Variants in CLTC observed in about 807,000 individuals in gnomAD.
CLTC encodes the protein clathrin heavy chain, also known as clathrin heavy chain 1.
A neutral mutation model predicts 195.8 loss-of-function variants in CLTC; 16 were observed. The observed-to-expected ratio is 0.08, with a 90% CI of 0.06 to 0.12. The LOEUF (loss-of-function observed/expected upper bound fraction) is 0.12, where lower values mean the gene tolerates loss of function less well. CLTC is among the 10% of genes least tolerant of loss of function. The pLI, the probability that CLTC is intolerant of heterozygous loss-of-function variation, is 1.00. For missense variants in CLTC, 796 were observed against 2,027.0 expected, an observed-to-expected ratio of 0.39 and a Z score of 11.66; for synonymous variants, 667 against 689.4, an observed-to-expected ratio of 0.97 and a Z score of 0.51.
intron 1 of CLTC, 126 bp from the exon 2 acceptor site, chr17:59,644,150 C>A: frequency 1.4e-6 from 1 of 701,184 alleles, no homozygotes; most frequent in Non-Finnish European, 2.4e-6. Context: ...CTTTAATTAA[C>A]ATAATGTAGA....
chr17:59,663,994 A>C lies in CLTC; in HGVS notation c.1521A>C (p.Lys507Asn). The C allele has an allele frequency of 6.2e-7, 1 of 1,611,656 alleles. No individual in the cohort carries two copies. Among genetic ancestry groups the C allele is most frequent in the Non-Finnish European group, 8.5e-7 (1 of 1,178,996 alleles). ...AAAAGATTGTTTTATATGCTAAAAAAGTGAGTTCAATGAAACACATTCTCA... is the reference window on the plus strand; with the variant it reads ...AAAAGATTGTTTTATATGCTAAAAACGTGAGTTCAATGAAACACATTCTCA... ...QVQKIVLYAK[K>N]VGYTPDWIFL... The change falls in exon 9 of 32, where the codon AAA becomes AAC. Residue 507 changes from lysine to asparagine, a missense_variant and splice_region_variant. Around this residue, in one of 9 missense-constraint regions of CLTC, gnomAD observed 293 missense variants for 795.6 expected, o/e 0.37. Coordinates refer to ENST00000269122, the MANE Select transcript of CLTC (RefSeq NM_004859.4).
chr17:59,685,359 A>G lies in CLTC; in HGVS notation c.4605+133A>G, dbSNP rs1374563849. 1.4e-5 allele frequency: 13 copies of G among 953,072 alleles called. No homozygotes were observed. The highest frequency in any genetic ancestry group is 2.8e-5 in the East Asian group (1 of 35,734). 59.0% of individuals were successfully genotyped at this position (953,072 alleles called of 1,614,324 possible). On this transcript the variant is annotated intron_variant, in intron 29 of 31. Coordinates refer to ENST00000269122, the MANE Select transcript of CLTC (RefSeq NM_004859.4). This position sits in a 1 kb window ranked among gnomAD's most constrained non-coding sequence, Gnocchi z 5.0. ...ACTTTAAGGCAATTTAAGTTAATGG[A>G]TTTCTTGATTCTAGGGGCTCTCTTA... is the stretch of plus-strand genomic sequence containing the variant.
chr17:59,693,934 A>T lies in CLTC; in HGVS notation c.*82A>T. The T allele has an allele frequency of 2.2e-6, 3 of 1,385,472 alleles. No individual in the cohort carries two copies. The highest frequency in any genetic ancestry group is 2.9e-6 in the Non-Finnish European group (3 of 1,044,742). 85.8% of individuals were successfully genotyped at this position (1,385,472 alleles called of 1,614,324 possible). On this transcript the variant is annotated 3_prime_UTR_variant, in exon 32 of 32. Coordinates refer to ENST00000269122, the MANE Select transcript of CLTC (RefSeq NM_004859.4). Reference sequence around the variant, plus strand: ...ACTTCTCAGTTTATAATGGGGGAAAACAGGCAACGTGTTCTTGTAACCTTT... The same window carrying T: ...ACTTCTCAGTTTATAATGGGGGAAATCAGGCAACGTGTTCTTGTAACCTTT...
At position 59,661,473 on chromosome 17, in the gene CLTC, C is replaced by G; in HGVS notation, c.1198C>G (p.Arg400Gly). Reference sequence around the variant, plus strand: ...TCTTCGTACTCCAGACACTATCCGTCGGTTCCAGAGTGTCCCAGCCCAGCC... The same window carrying G: ...TCTTCGTACTCCAGACACTATCCGTGGGTTCCAGAGTGTCCCAGCCCAGCC... ...GILRTPDTIR[R>G]FQSVPAQPGQ... Residue 400 changes from arginine (R) to glycine (G), a missense_variant, in exon 8 of 32, where the codon CGG becomes GGG. Arg to Gly is a moderately radical substitution (Grantham distance 125). Transcript: ENST00000269122. The G allele has an allele frequency of 1.2e-6, 2 of 1,613,948 alleles. No individual in the cohort carries two copies. The highest frequency in any genetic ancestry group is 8.5e-7 in the Non-Finnish European group (1 of 1,179,902).
chr17:59,625,230 T>C (rs901254655), intron 1 of CLTC, among the ~76,000 whole-genome samples: 49 of 152,034 alleles, frequency 3.2e-4, no homozygotes, highest in African/African-American at 1.1e-3. Context: ...TGCCTCTGCC[T>C]CCCGAGTCGC....
chr17:59,682,195 C>A lies in CLTC; in HGVS notation c.3443-76C>A. The A allele has an allele frequency of 7.3e-7, 1 of 1,364,418 alleles. No homozygotes were observed. The highest frequency in any genetic ancestry group is 1.0e-6 in the Non-Finnish European group (1 of 980,770). The allele number at this position is 1,364,418 out of a possible 1,614,324, so 84.5% of individuals were successfully genotyped here. A position where few individuals can be genotyped will look rare whatever the true frequency, so the allele number is the denominator to read the frequency against. ...TGTTTCCTTGAAAAGGAAATGAATG[C>A]AATTTTCATTTACTTGGGTGAAAGA... is the stretch of plus-strand genomic sequence containing the variant. On this transcript the variant is annotated intron_variant, in intron 21 of 31. Transcript: ENST00000269122. The surrounding 1 kb of genome is among the most constrained non-coding windows in gnomAD (Gnocchi z 6.8).
chr17:59,656,437 A>G (rs11079385), intron 6 of CLTC, among the ~76,000 whole-genome samples: 88,411 of 151,874 alleles, frequency 0.58, 28,749 homozygotes, highest in Non-Finnish European at 0.74. Context: ...AGGCAGAGCA[A>G]TTATCAACTA....
At chr17:59,645,385 T>C (rs2143500244) in intron 2 of CLTC, among the ~76,000 whole-genome samples, 1 of 152,348 alleles carries the variant, frequency 6.6e-6, no homozygotes, top group Admixed American at 6.5e-5. Context: ...ACAAGGGAAC[T>C]GTGCAGCTTA....
At chr17:59,629,907 T>C (rs1220671184) in intron 1 of CLTC, among the ~76,000 whole-genome samples, 2 of 152,204 alleles carry the variant, frequency 1.3e-5, no homozygotes, top group African/African-American at 2.4e-5. Flanking sequence ...TGCACCATTA[T>C]GATTGCTCTG....
intron 1 of CLTC, among the ~76,000 whole-genome samples, chr17:59,632,367 CAA>C (rs11449653): frequency 3.6e-5 from 4 of 111,528 alleles, no homozygotes; most frequent in South Asian, 2.9e-4. Flanking sequence ...GAATCCATCT[CAA>C]AAAAAAAAAA....
chr17:59,667,052 T>C (rs2032748123), intron 13 of CLTC, 75 bp downstream of exon 13: 30 of 1,191,572 alleles, frequency 2.5e-5, no homozygotes, highest in Non-Finnish European at 3.1e-5. Context: ...GATCAGGCTG[T>C]TGGAAATTTT....
intron 6 of CLTC, among the ~76,000 whole-genome samples, chr17:59,657,974 G>A (rs547714523): frequency 6.6e-6 from 1 of 151,698 alleles, no homozygotes; most frequent in Admixed American, 6.6e-5. Flanking sequence ...TGAGGTGGGT[G>A]GATCACCTGG....
chr17:59,670,467 C>T (rs563955853), intron 14 of CLTC, among the ~76,000 whole-genome samples: 5 of 152,100 alleles, frequency 3.3e-5, no homozygotes, highest in African/African-American at 1.2e-4. Context: ...CAGTAGGCCC[C>T]AGTGTCTGTT....
At chr17:59,654,079 G>A (rs773878405) in intron 5 of CLTC, among the ~76,000 whole-genome samples, 12 of 151,766 alleles carry the variant, frequency 7.9e-5, no homozygotes, top group Non-Finnish European at 1.5e-4. Context: ...AGCCCAGGCT[G>A]GTCTTAAACT....
At chr17:59,692,143 C>T (rs1177803787) in intron 31 of CLTC, among the ~76,000 whole-genome samples, 1 of 152,070 alleles carries the variant, frequency 6.6e-6, no homozygotes, top group Non-Finnish European at 1.5e-5. Context: ...ATGGTGAAAC[C>T]CCATCTCTAC....
At chr17:59,687,939 G>A (rs1024596508) in intron 30 of CLTC, among the ~76,000 whole-genome samples, 1 of 152,260 alleles carries the variant, frequency 6.6e-6, no homozygotes, top group East Asian at 1.9e-4. Flanking sequence ...AGGTAAAGGA[G>A]AGTTGAAACA....
rs2033120312 is a variant in CLTC at position 59,683,587 on chromosome 17, G to A, written c.4192-38G>A. The A allele has an allele frequency of 1.2e-6, 2 of 1,613,254 alleles. No individual in the cohort carries two copies. The highest frequency in any genetic ancestry group is 8.5e-7 in the Non-Finnish European group (1 of 1,179,524). ...GGATTCAGAAGGAGAAAGCTCATTA[G>A]GAAGTAACTGACTTATGTATGGATT... On this transcript the variant is annotated intron_variant, in intron 26 of 31. Coordinates refer to ENST00000269122, the MANE Select transcript of CLTC (RefSeq NM_004859.4). This position sits in a 1 kb window ranked among gnomAD's most constrained non-coding sequence, Gnocchi z 6.1.
chr17:59,625,829 T>C (rs1430982789), intron 1 of CLTC, among the ~76,000 whole-genome samples: 2 of 152,250 alleles, frequency 1.3e-5, no homozygotes, highest in African/African-American at 4.8e-5. Flanking sequence ...TTGTGACTTG[T>C]GGTTACCATA....
rs1210116750 is a variant in CLTC at position 59,681,622 on chromosome 17, C to T, written c.3250-25C>T. ...TGGGTAGGATTGATTTTACTCTAAC[C>T]CTAATTTCAAACTTGGATACTTAGG... On this transcript the variant is annotated intron_variant, in intron 20 of 31. Coordinates refer to ENST00000269122, the MANE Select transcript of CLTC (RefSeq NM_004859.4). This position sits in a 1 kb window ranked among gnomAD's most constrained non-coding sequence, Gnocchi z 5.0. 6.3e-7 allele frequency: 1 copy of T among 1,596,914 alleles called. No homozygotes were observed. Among genetic ancestry groups the T allele is most frequent in the Non-Finnish European group, 8.6e-7 (1 of 1,169,244 alleles).
Sources: gnomAD v4.1 joint callset for allele counts (sites outside exome capture counted in the v4.1 genomes callset) on GRCh38, gnomAD v4.1.1 for gene constraint, gnomAD v4.1.1 regional missense constraint, Gnocchi (gnomAD v3.1) non-coding constraint, MANE v1.5 for transcripts, NCBI Gene and HGNC (gene_info 2026-07-23, HGNC 2026-07-21) for gene names.